NUDT5: variants seen among roughly 807,000 people sequenced by gnomAD.
NUDT5 encodes ADP-sugar pyrophosphatase.
Under a neutral mutation model 34.1 loss-of-function variants are expected in NUDT5, and 21 were observed. The ratio of observed to expected loss-of-function variants is 0.62; its 90% CI spans 0.44 to 0.89. NUDT5 has a LOEUF of 0.89. NUDT5 is among the 40% of genes least tolerant of loss of function. NUDT5 has a pLI of 0.00. For synonymous variants in NUDT5, 85 were observed against 97.6 expected, an observed-to-expected ratio of 0.87 and a Z score of 0.76; for missense variants, 249 against 274.8, an observed-to-expected ratio of 0.91 and a Z score of 0.66.
At chr10:12,179,051 TC>T (rs764716849) in intron 4 of NUDT5, 31 bp downstream of exon 4, 1 of 1,595,154 alleles carries the variant, frequency 6.3e-7, no homozygotes, top group South Asian at 1.1e-5. Context: ...TAACTTCCTT[TC>T]TAAAGGGTTG....
intron 2 of NUDT5, 109 bp downstream of exon 2, chr10:12,186,120 A>T: frequency 1.1e-6 from 1 of 921,960 alleles, no homozygotes; most frequent in Non-Finnish European, 1.7e-6. Context: ...AAAAATCTTT[A>T]CAACTGTCTT....
In NUDT5 at chr10:12,170,407, T is replaced by A; in HGVS notation, c.550+310A>T. ...ATCTACCCACACCTTTGCATTGCTA[T>A]GGACTGAAGGTTTAAAGTGTAGAAT... On this transcript the variant is annotated intron_variant, in intron 9 of 9. Coordinates refer to ENST00000491614, the MANE Select transcript of NUDT5 (RefSeq NM_014142.4). The surrounding 1 kb of genome is among the most constrained non-coding windows in gnomAD (Gnocchi z 4.9). 1 of 622,862 alleles carries A rather than the reference T, an allele frequency of 1.6e-6. No individual in the cohort carries two copies. Among genetic ancestry groups the A allele is most frequent in the Non-Finnish European group, 2.8e-6 (1 of 356,622 alleles). 38.6% of individuals were successfully genotyped at this position (622,862 alleles called of 1,614,324 possible).
Position 12,181,525 on chromosome 10 carries a change from C to T in NUDT5, c.132-2393G>A, listed in dbSNP as rs1297496221. ...TGAACAGTATCTTTACCCCACAGAG[C>T]AGGAAATAAGCCAAAGAACCCCACA... On this transcript the variant is annotated intron_variant, in intron 3 of 9. Coordinates refer to ENST00000491614, the MANE Select transcript of NUDT5 (RefSeq NM_014142.4). The surrounding 1 kb of genome is among the most constrained non-coding windows in gnomAD (Gnocchi z 5.0). Among the ~76,000 whole-genome samples the T allele has an allele frequency of 6.6e-6, 1 of 152,190 alleles. No homozygotes were observed. The highest frequency in any genetic ancestry group is 6.5e-5 in the Admixed American group (1 of 15,276).
intron 1 of NUDT5, among the ~76,000 whole-genome samples, chr10:12,193,868 T>C (rs978870087): frequency 4.0e-5 from 6 of 148,798 alleles, no homozygotes; most frequent in African/African-American, 1.6e-4. Flanking sequence ...ATCTCTACAC[T>C]CTTTTTTTTT....
At chr10:12,194,866 G>A (rs1313848214) in intron 1 of NUDT5, among the ~76,000 whole-genome samples, 2 of 147,032 alleles carry the variant, frequency 1.4e-5, no homozygotes, top group East Asian at 4.1e-4. Flanking sequence ...GGGGTTAAAA[G>A]CGGCTGGTTG....
intron 5 of NUDT5, among the ~76,000 whole-genome samples, chr10:12,174,898 T>C (rs542964681): frequency 1.4e-5 from 2 of 147,870 alleles, no homozygotes; most frequent in Admixed American, 7.0e-5. Context: ...GGCCTGGGAA[T>C]GAAAGGCCAG....
chr10:12,185,635 CA>C (rs1387990022), intron 2 of NUDT5, among the ~76,000 whole-genome samples: 1 of 152,250 alleles, frequency 6.6e-6, no homozygotes, highest in African/African-American at 2.4e-5. Context: ...TTGCCAGCAG[CA>C]ACCTAATCAT....
chr10:12,194,009 T>C (rs942455166), intron 1 of NUDT5, among the ~76,000 whole-genome samples: 1 of 152,162 alleles, frequency 6.6e-6, no homozygotes, highest in African/African-American at 2.4e-5. Flanking sequence ...CCCGAGTAGC[T>C]GGGACTACAG....
rs368305631 is a variant in NUDT5 at position 12,181,359 on chromosome 10, C to T, written c.132-2227G>A. 2.0e-5 allele frequency among the ~76,000 whole-genome samples: 3 copies of T among 152,148 alleles called. No individual in the cohort carries two copies. The highest frequency in any genetic ancestry group is 3.8e-4 in the East Asian group (2 of 5,200). On this transcript the variant is annotated intron_variant, in intron 3 of 9. Coordinates refer to ENST00000491614, the MANE Select transcript of NUDT5 (RefSeq NM_014142.4). The surrounding 1 kb of genome is among the most constrained non-coding windows in gnomAD (Gnocchi z 5.0). ...CTGCAGGGGGTCCTGGAACCAACCC[C>T]GACAGACACCAAGTGACAGCTGTAC... is the stretch of plus-strand genomic sequence containing the variant.
intron 1 of NUDT5, among the ~76,000 whole-genome samples, chr10:12,190,778 T>G (rs1015924206): frequency 6.6e-6 from 1 of 151,640 alleles, no homozygotes; most frequent in South Asian, 2.1e-4. Flanking sequence ...CCGGCTGATT[T>G]TTGCATTTTT....
rs1200176879 is a variant in NUDT5 at position 12,168,134 on chromosome 10, C to T, written c.551-323G>A. On this transcript the variant is annotated intron_variant, in intron 9 of 9. Transcript: ENST00000491614. The surrounding 1 kb of genome is among the most constrained non-coding windows in gnomAD (Gnocchi z 4.8). The stretch of plus-strand genomic sequence containing the variant: ...CTGCCTCCTGGGTTTAAGCGATTCT[C>T]CTGCCTCAGCCTCCCCAGTAGCTGG... Among the ~76,000 whole-genome samples the T allele has an allele frequency of 1.3e-5, 2 of 151,818 alleles. No homozygotes were observed. The highest frequency in any genetic ancestry group is 2.4e-5 in the African/African-American group (1 of 41,310).
At position 12,175,144 on chromosome 10, in the gene NUDT5, AC is replaced by A. The variant is rs1309436941; in HGVS notation, c.290-1332del. Among the ~76,000 whole-genome samples the A allele has an allele frequency of 6.6e-6, 1 of 152,002 alleles. No homozygotes were observed. Among genetic ancestry groups the A allele is most frequent in the Non-Finnish European group, 1.5e-5 (1 of 68,000 alleles). ...AGACCAGCCTGGCCAACATGGTGAA[AC>A]CCTGTCTCCACTAAAAATACAAAAA... On this transcript the variant is annotated intron_variant, in intron 5 of 9. Coordinates refer to ENST00000491614, the MANE Select transcript of NUDT5 (RefSeq NM_014142.4). This position sits in a 1 kb window ranked among gnomAD's most constrained non-coding sequence, Gnocchi z 4.8.
intron 4 of NUDT5, among the ~76,000 whole-genome samples, chr10:12,178,475 C>A (rs1390053194): frequency 1.3e-5 from 2 of 152,232 alleles, no homozygotes. Flanking sequence ...AGCTTCCTAT[C>A]TGTGAAGCCA....
In NUDT5 at chr10:12,169,276, A is replaced by G; in HGVS notation, c.550+1441T>C. The G allele has an allele frequency of 6.4e-7, 1 of 1,552,750 alleles. No individual in the cohort carries two copies. Among genetic ancestry groups the G allele is most frequent in the Non-Finnish European group, 8.7e-7 (1 of 1,146,732 alleles). On this transcript the variant is annotated intron_variant, in intron 9 of 9. Transcript: ENST00000491614. This position sits in a 1 kb window ranked among gnomAD's most constrained non-coding sequence, Gnocchi z 4.8. ...TTCTAAGACCAAAAGTGAAGTTAAG[A>G]AGGTGGAAGGGAGAAGGAAGACATT...
In NUDT5 at chr10:12,177,467, C is replaced by T. The variant is rs188399775; in HGVS notation, c.289+326G>A. On this transcript the variant is annotated intron_variant, in intron 5 of 9. Transcript: ENST00000491614. ...CCAGGAGGCGGAGGTTGCAGTGAGCCGAGATCGTGCCACTGCACTCCAGCC... is the reference window on the plus strand; with the variant it reads ...CCAGGAGGCGGAGGTTGCAGTGAGCTGAGATCGTGCCACTGCACTCCAGCC... Among the ~76,000 whole-genome samples the T allele has an allele frequency of 1.3e-3, 195 of 152,106 alleles. 8 individuals are homozygous for T. In the East Asian group the frequency reaches 0.035, roughly 27 times the overall value.
chr10:12,175,331 T>TAAATA lies in NUDT5; in HGVS notation c.290-1523_290-1519dup, dbSNP rs1030602900. On this transcript the variant is annotated intron_variant, in intron 5 of 9. Coordinates refer to ENST00000491614, the MANE Select transcript of NUDT5 (RefSeq NM_014142.4). The surrounding 1 kb of genome is among the most constrained non-coding windows in gnomAD (Gnocchi z 4.8). ...GTGAAACTGCATCTCAAAAAATAAA[T>TAAATA]AAATAAAATAAAATAAAATAATGAA... Among the ~76,000 whole-genome samples, 2 of 150,104 alleles carry TAAATA rather than the reference T, an allele frequency of 1.3e-5. No homozygotes were observed. Among genetic ancestry groups the TAAATA allele is most frequent in the Admixed American group, 6.6e-5 (1 of 15,056 alleles).
intron 1 of NUDT5, among the ~76,000 whole-genome samples, chr10:12,191,416 CA>C (rs1438708186): frequency 8.5e-5 from 2 of 23,604 alleles, no homozygotes; most frequent in Non-Finnish European, 1.7e-4. Flanking sequence ...AAAAAAACCA[CA>C]AAGGAAAAAC....
At chr10:12,194,773 G>A (rs553153478) in intron 1 of NUDT5, among the ~76,000 whole-genome samples, 1 of 152,208 alleles carries the variant, frequency 6.6e-6, no homozygotes, top group African/African-American at 2.4e-5. Context: ...AGGTGAACCA[G>A]GAAGAATGTA....
rs1466421040 is a variant in NUDT5, at chr10:12,168,535, T to G, written c.551-724A>C. Among the ~76,000 whole-genome samples the G allele has an allele frequency of 6.6e-6, 1 of 151,544 alleles. No homozygotes were observed. Among genetic ancestry groups the G allele is most frequent in the East Asian group, 1.9e-4 (1 of 5,150 alleles). ...GTGCATGTTAGGACTGGAGATCTAC[T>G]ACCAAGAATGCGGTCTCAGGACCTT... is the stretch of plus-strand genomic sequence containing the variant. On this transcript the variant is annotated intron_variant, in intron 9 of 9. Transcript: ENST00000491614. This position sits in a 1 kb window ranked among gnomAD's most constrained non-coding sequence, Gnocchi z 4.8.
Sources: allele counts gnomAD v4.1 joint callset (sites outside exome capture counted in the v4.1 genomes callset), GRCh38; gene constraint gnomAD v4.1.1; non-coding constraint Gnocchi (gnomAD v3.1); transcripts MANE v1.5; gene names NCBI Gene and HGNC (gene_info 2026-07-23, HGNC 2026-07-21).